Variants in TNFSF4 observed in about 807,000 individuals in gnomAD.
TNFSF4 encodes the protein TNF superfamily member 4.
In TNFSF4, 4 loss-of-function variants were observed where a neutral mutation model predicts 7.3. The observed-to-expected ratio is 0.55, with a 90% CI of 0.27 to 1.25. TNFSF4 has a LOEUF of 1.25. TNFSF4 is among the 50% of genes most tolerant of loss of function. The probability of loss-of-function intolerance (pLI) is 0.12; values close to 1 mark genes in which losing one functional copy is unlikely to be tolerated. For synonymous variants in TNFSF4, 76 were observed against 83.7 expected (o/e 0.91, Z 0.50); for missense variants, 181 against 208.8 (o/e 0.87, Z 0.82).
intron 1 of TNFSF4, among the ~76,000 whole-genome samples, chr1:173,203,740 A>T (rs1352852992): frequency 3.9e-5 from 6 of 152,246 alleles, no homozygotes; most frequent in Non-Finnish European, 8.8e-5. Context: ...TGCTGAAAAA[A>T]ATCACTAAAA....
At chr1:173,371,188 G>A in the TNFSF4 span, among the ~76,000 whole-genome samples, 11 of 152,162 alleles carry the variant, frequency 7.2e-5, no homozygotes, top group Non-Finnish European at 1.0e-4. Flanking sequence ...AATCTCCTGC[G>A]CTGGACGGCT....
At chr1:173,322,853 T>C in the TNFSF4 span, among the ~76,000 whole-genome samples, 42 of 152,112 alleles carry the variant, frequency 2.8e-4, no homozygotes, top group Admixed American at 6.5e-5. Context: ...GCGCCCACCA[T>C]TGCTCAGGCT....
At chr1:173,176,628 T>C in the TNFSF4 span, among the ~76,000 whole-genome samples, 2 of 152,144 alleles carry the variant, frequency 1.3e-5, no homozygotes, top group Non-Finnish European at 2.9e-5. Context: ...ATTGGGTATA[T>C]ACACAAAGAA....
At chr1:173,205,349 T>C (rs781262962) in intron 1 of TNFSF4, 5 of 1,611,918 alleles carry the variant, frequency 3.1e-6, no homozygotes, top group African/African-American at 1.3e-5. Flanking sequence ...ACCCTGCTTT[T>C]CTTCCCACAG....
At chr1:173,313,003 C>T in the TNFSF4 span, among the ~76,000 whole-genome samples, 17 of 152,104 alleles carry the variant, frequency 1.1e-4, 1 homozygote, top group Admixed American at 9.2e-4. Context: ...ATGCACAGCC[C>T]TGAGCAAGTG....
the TNFSF4 span, among the ~76,000 whole-genome samples, chr1:173,298,569 C>T: frequency 6.6e-6 from 1 of 151,842 alleles, no homozygotes; most frequent in Non-Finnish European, 1.5e-5. Context: ...TTGTATCATC[C>T]ACACTTCACT....
the TNFSF4 span, among the ~76,000 whole-genome samples, chr1:173,287,168 A>C: frequency 5.9e-5 from 9 of 151,814 alleles, no homozygotes; most frequent in South Asian, 1.7e-3. Context: ...TGTCTCCACA[A>C]AAAAAAAGAA....
At chr1:173,250,199 A>G in the TNFSF4 span, among the ~76,000 whole-genome samples, 1 of 152,042 alleles carries the variant, frequency 6.6e-6, no homozygotes, top group African/African-American at 2.4e-5. Flanking sequence ...CTACTTGTTT[A>G]TTTTTATTTG....
At chr1:173,361,955 C>CT in the TNFSF4 span, among the ~76,000 whole-genome samples, 3 of 152,322 alleles carry the variant, frequency 2.0e-5, no homozygotes, top group South Asian at 6.2e-4. Flanking sequence ...TCCTAGAACT[C>CT]TATCTCCATC....
the TNFSF4 span, among the ~76,000 whole-genome samples, chr1:173,395,025 TAGATAGATAGATGATA>T: frequency 2.0e-3 from 253 of 123,876 alleles, no homozygotes; most frequent in African/African-American, 4.9e-3. Flanking sequence ...GATAGATAGA[TAGATAGATAGATGATA>T]GATAGATAGA....
At chr1:173,236,776 T>TA in the TNFSF4 span, among the ~76,000 whole-genome samples, 5 of 151,712 alleles carry the variant, frequency 3.3e-5, no homozygotes, top group African/African-American at 9.7e-5. Context: ...ATGTGGAAGC[T>TA]AAAAAAAAGT....
the TNFSF4 span, among the ~76,000 whole-genome samples, chr1:173,173,401 A>T: frequency 6.6e-6 from 1 of 152,226 alleles, no homozygotes; most frequent in East Asian, 1.9e-4. Context: ...ATATAATGGG[A>T]GTACAGGCAC....
At chr1:173,303,658 G>A in the TNFSF4 span, among the ~76,000 whole-genome samples, 5 of 151,722 alleles carry the variant, frequency 3.3e-5, no homozygotes, top group South Asian at 6.2e-4. Context: ...AGTGAATAAC[G>A]TAAAAAACAT....
chr1:173,177,396 T>G, the TNFSF4 span, among the ~76,000 whole-genome samples: 1 of 150,930 alleles, frequency 6.6e-6, no homozygotes, highest in African/African-American at 2.4e-5. Flanking sequence ...AAACATTGAG[T>G]ACAAATGGAC....
the TNFSF4 span, among the ~76,000 whole-genome samples, chr1:173,449,668 C>T: frequency 2.0e-5 from 3 of 151,988 alleles, no homozygotes. Flanking sequence ...AATGCAAGCA[C>T]GGACTAATAC....
chr1:173,345,017 T>C, the TNFSF4 span, among the ~76,000 whole-genome samples: 2 of 152,252 alleles, frequency 1.3e-5, no homozygotes, highest in Non-Finnish European at 2.9e-5. Flanking sequence ...GTGGTATTAC[T>C]GAAATTTCAA....
chr1:173,362,414 T>C, the TNFSF4 span: 4 of 459,502 alleles, frequency 8.7e-6, no homozygotes, highest in South Asian at 7.2e-5. Context: ...CTGTTGCTCT[T>C]TCCTTCTTCA....
chr1:173,250,604 C>T, the TNFSF4 span, among the ~76,000 whole-genome samples: 3 of 152,018 alleles, frequency 2.0e-5, no homozygotes, highest in Admixed American at 6.5e-5. Flanking sequence ...GGACTACAGG[C>T]GACTGCCACC....
the TNFSF4 span, among the ~76,000 whole-genome samples, chr1:173,396,758 A>G: frequency 7.2e-5 from 11 of 152,152 alleles, no homozygotes; most frequent in Non-Finnish European, 1.5e-4. Flanking sequence ...GGGTTTAGGG[A>G]AATTGGAATC....
Sources: allele counts gnomAD v4.1 joint callset (sites outside exome capture counted in the v4.1 genomes callset), GRCh38; gene constraint gnomAD v4.1.1; transcripts MANE v1.5; gene names NCBI Gene and HGNC (gene_info 2026-07-23, HGNC 2026-07-21).